SH3KBP1: variants seen among roughly 807,000 people sequenced by gnomAD.
SH3KBP1 encodes SH3 domain-containing kinase-binding protein 1.
A neutral mutation model predicts 50.1 loss-of-function variants in SH3KBP1; 8 were observed. The observed-to-expected ratio is 0.16, with a 90% confidence interval of 0.09 to 0.29. The LOEUF is 0.29. Ranked by LOEUF, SH3KBP1 falls within the 10% of genes least tolerant of loss-of-function variation. SH3KBP1 has a pLI of 1.00. For synonymous variants in SH3KBP1, 227 were observed against 218.6 expected, an observed-to-expected ratio of 1.04 and a Z score of -0.34; for missense variants, 377 against 535.2, an observed-to-expected ratio of 0.70 and a Z score of 2.92.
intron 2 of SH3KBP1, among the ~76,000 whole-genome samples, chrX:19,803,837 C>A (rs1270744966): frequency 1.8e-5 from 2 of 112,158 alleles, no homozygotes; most frequent in Non-Finnish European, 3.8e-5. Context: ...CATCCCCTGG[C>A]CCTTCTTTCT....
intron 7 of SH3KBP1, among the ~76,000 whole-genome samples, chrX:19,640,296 C>G (rs1480594448): frequency 9.0e-6 from 1 of 111,322 alleles, no homozygotes; most frequent in African/African-American, 3.3e-5. Flanking sequence ...CCTCATGTAA[C>G]GGGTTTCTGG....
chrX:19,588,929 G>A, intron 11 of SH3KBP1, 127 bp from the exon 12 acceptor site: 1 of 572,867 alleles, frequency 1.7e-6, no homozygotes. Flanking sequence ...GATCATGGAA[G>A]GCCAAGAGCA....
chrX:19,553,596 C>T (rs910770554), intron 13 of SH3KBP1, among the ~76,000 whole-genome samples: 2 of 108,028 alleles, frequency 1.9e-5, no homozygotes, highest in Admixed American at 1.0e-4. Flanking sequence ...TGGCTCCTAG[C>T]GGGATGTGAG....
intron 3 of SH3KBP1, among the ~76,000 whole-genome samples, chrX:19,739,692 G>A (rs2064710775): frequency 9.1e-6 from 1 of 110,457 alleles, no homozygotes; most frequent in Non-Finnish European, 1.9e-5. Flanking sequence ...AAGCAAAAGG[G>A]CTAAAAAAAT....
At chrX:19,833,043 A>G (rs1412624242) in intron 2 of SH3KBP1, among the ~76,000 whole-genome samples, 3 of 112,067 alleles carry the variant, frequency 2.7e-5, no homozygotes, top group Non-Finnish European at 5.6e-5. Flanking sequence ...CACTAGGCCA[A>G]CAAGACACAT....
intron 13 of SH3KBP1, among the ~76,000 whole-genome samples, chrX:19,566,605 G>T (rs1467870878): frequency 4.5e-5 from 5 of 111,383 alleles, no homozygotes; most frequent in Non-Finnish European, 5.7e-5. Context: ...GGTAGAACCG[G>T]AACTTAGGCT....
At chrX:19,777,745 G>A (rs981455917) in intron 2 of SH3KBP1, among the ~76,000 whole-genome samples, 2 of 111,252 alleles carry the variant, frequency 1.8e-5, no homozygotes, top group Non-Finnish European at 3.8e-5. Flanking sequence ...AATGAGGGGT[G>A]GGCCAGAGCA....
chrX:19,658,817 A>C (rs1258983584), intron 6 of SH3KBP1, among the ~76,000 whole-genome samples: 1 of 111,191 alleles, frequency 9.0e-6, no homozygotes, highest in African/African-American at 3.3e-5. Flanking sequence ...TCGGCCTCCT[A>C]AAGCGCTGGG....
Position 19,739,015 on chromosome X carries a change from A to T in SH3KBP1, c.286+7303T>A, listed in dbSNP as rs371831568. ...GATAGAGCGAGACTCTGCCTCCAAG[A>T]AAAAAAAAAAAAAAAAAAAAAAAAG... On this transcript the variant is annotated intron_variant, in intron 3 of 17. Transcript: ENST00000397821. Among the ~76,000 whole-genome samples, 2 of 62,846 alleles carry T rather than the reference A, an allele frequency of 3.2e-5. 1 individual carries two copies. The highest frequency in any genetic ancestry group is 3.4e-4 in the Admixed American group (2 of 5,859). 54.6% of individuals were successfully genotyped at this position (62,846 alleles called of 115,157 possible). A position where few individuals can be genotyped will look rare whatever the true frequency, so the allele number is the denominator to read the frequency against.
chrX:19,546,739 A>G (rs2065094605), intron 14 of SH3KBP1, among the ~76,000 whole-genome samples: 1 of 111,850 alleles, frequency 8.9e-6, no homozygotes, highest in Non-Finnish European at 1.9e-5. Context: ...CTGACAGTCA[A>G]CATTCATTTT....
chrX:19,809,773 C>T (rs1198568018), intron 2 of SH3KBP1, among the ~76,000 whole-genome samples: 1 of 111,708 alleles, frequency 9.0e-6, no homozygotes, highest in Admixed American at 9.5e-5. Context: ...AGTGCCAGAT[C>T]CCAGATTGCA....
rs745515349 is a variant in SH3KBP1 at position 19,760,041 on chromosome X, CCTCTCTCT to C, written c.163-13608_163-13601del. Among the ~76,000 whole-genome samples, 121 of 50,456 alleles carry C rather than the reference CCTCTCTCT, an allele frequency of 2.4e-3. 2 individuals are homozygous for C. Among genetic ancestry groups the C allele is most frequent in the East Asian group, 0.018 (34 of 1,880 alleles). The allele number at this position is 50,456 out of a possible 115,157, so 43.8% of individuals were successfully genotyped here. A position where few individuals can be genotyped will look rare whatever the true frequency, so the allele number is the denominator to read the frequency against. On this transcript the variant is annotated intron_variant, in intron 2 of 17. Coordinates refer to ENST00000397821, the MANE Select transcript of SH3KBP1 (RefSeq NM_031892.3). Reference sequence around the variant, plus strand: ...TCTCTCTCCTCTCTCTCTCTCTCTCCCTCTCTCTCTCTCTCTCTCTCTCTCTCTCTCTC... The same window carrying C: ...TCTCTCTCCTCTCTCTCTCTCTCTCCCTCTCTCTCTCTCTCTCTCTCTCTC...
intron 1 of SH3KBP1, among the ~76,000 whole-genome samples, chrX:19,874,066 A>AT (rs1227248407): frequency 4.3e-4 from 33 of 77,301 alleles, no homozygotes; most frequent in African/African-American, 1.2e-3. Context: ...AAAAAAAAAA[A>AT]AAATATATAT....
At chrX:19,848,932 T>C (rs2068432242) in intron 1 of SH3KBP1, among the ~76,000 whole-genome samples, 1 of 110,946 alleles carries the variant, frequency 9.0e-6, no homozygotes, top group African/African-American at 3.3e-5. Flanking sequence ...AGCCACTGTA[T>C]CCAGCTTTTT....
At chrX:19,753,756 C>T (rs190909543) in intron 2 of SH3KBP1, among the ~76,000 whole-genome samples, 368 of 111,758 alleles carry the variant, frequency 3.3e-3, no homozygotes, top group Non-Finnish European at 4.5e-3. Context: ...ATCAAACCAC[C>T]AAGTGCACCA....
intron 8 of SH3KBP1, among the ~76,000 whole-genome samples, chrX:19,629,808 G>A (rs943620588): frequency 5.3e-5 from 6 of 112,270 alleles, no homozygotes; most frequent in Non-Finnish European, 1.1e-4. Flanking sequence ...ATAGCAGTGC[G>A]CTGCTTCAGT....
chrX:19,543,642 C>T (rs1040501820), intron 15 of SH3KBP1, among the ~76,000 whole-genome samples: 1 of 111,430 alleles, frequency 9.0e-6, no homozygotes, highest in Non-Finnish European at 1.9e-5. Flanking sequence ...CATGCGGAAG[C>T]CTCAGGGGGA....
intron 6 of SH3KBP1, among the ~76,000 whole-genome samples, chrX:19,668,370 G>C (rs1389950736): frequency 1.8e-5 from 2 of 108,382 alleles, no homozygotes; most frequent in Non-Finnish European, 3.8e-5. Flanking sequence ...AGCCAGGTGT[G>C]GTGGCGGGCG....
At chrX:19,545,895 A>G (rs1211489881) in intron 15 of SH3KBP1, 27 bp downstream of exon 15, 1 of 1,205,856 alleles carries the variant, frequency 8.3e-7, no homozygotes, top group Non-Finnish European at 1.1e-6. Flanking sequence ...AATGACAGGG[A>G]CACCCTCGCC....
Sources: allele counts gnomAD v4.1 joint callset (sites outside exome capture counted in the v4.1 genomes callset), GRCh38; gene constraint gnomAD v4.1.1; transcripts MANE v1.5; gene names NCBI Gene and HGNC (gene_info 2026-07-23, HGNC 2026-07-21).